ERC1: variants seen among roughly 807,000 people sequenced by gnomAD.
The protein encoded by ERC1 is RAB6 interacting protein 2.
Under a neutral mutation model 132.0 loss-of-function variants are expected in ERC1, and 56 were observed. The ratio of observed to expected loss-of-function variants is 0.42; its 90% CI spans 0.34 to 0.53. The LOEUF (loss-of-function observed/expected upper bound fraction) is 0.53. Ranked by LOEUF, ERC1 falls within the 20% of genes least tolerant of loss-of-function variation. ERC1 has a pLI of 0.03. For missense variants in ERC1, 1,202 were observed against 1,349.9 expected, an observed-to-expected ratio of 0.89 and a Z score of 1.72; for synonymous variants, 478 against 476.1, an observed-to-expected ratio of 1.00 and a Z score of -0.05.
At chr12:1,242,417 T>C (rs2075868736) in intron 13 of ERC1, among the ~76,000 whole-genome samples, 1 of 152,148 alleles carries the variant, frequency 6.6e-6, no homozygotes, top group African/African-American at 2.4e-5. Context: ...TTAAGGAATA[T>C]AAAATATTTT....
chr12:1,114,223 A>G (rs989314746), intron 6 of ERC1, among the ~76,000 whole-genome samples: 7 of 152,036 alleles, frequency 4.6e-5, no homozygotes, highest in East Asian at 1.9e-4. Context: ...GGGTTTCACT[A>G]TGTTGGCCAG....
At chr12:1,377,281 C>G (rs12307141) in intron 16 of ERC1, among the ~76,000 whole-genome samples, 44,399 of 152,174 alleles carry the variant, frequency 0.29, 6,712 homozygotes, top group Middle Eastern at 0.35. Flanking sequence ...GATACCTTTG[C>G]TCTTGTTGTT....
intron 3 of ERC1, among the ~76,000 whole-genome samples, chr12:1,091,342 A>C (rs558982137): frequency 1.2e-4 from 19 of 152,334 alleles, no homozygotes; most frequent in African/African-American, 3.8e-4. Flanking sequence ...AGTGTCCTTT[A>C]GTAGGTACCC....
chr12:1,159,161 T>C (rs961465148), intron 8 of ERC1, among the ~76,000 whole-genome samples: 1 of 152,192 alleles, frequency 6.6e-6, no homozygotes, highest in African/African-American at 2.4e-5. Context: ...TGGACAGTTT[T>C]GACCCTATTT....
chr12:1,159,059 A>G (rs1393021225), intron 8 of ERC1, among the ~76,000 whole-genome samples: 7 of 152,198 alleles, frequency 4.6e-5, no homozygotes, highest in African/African-American at 2.4e-5. Context: ...TACATGTTCA[A>G]TAAGAGGAAG....
At chr12:1,289,037 T>TC (rs1319157737) in intron 14 of ERC1, among the ~76,000 whole-genome samples, 4 of 149,218 alleles carry the variant, frequency 2.7e-5, no homozygotes, top group South Asian at 2.1e-4. Context: ...TTTTTTTTTT[T>TC]CCCCATGTCA....
intron 15 of ERC1, among the ~76,000 whole-genome samples, chr12:1,340,550 C>T (rs1430046888): frequency 1.3e-5 from 2 of 152,152 alleles, no homozygotes; most frequent in African/African-American, 4.8e-5. Flanking sequence ...GAGTACAACT[C>T]GCTCATTCCC....
At chr12:1,297,507 G>A (rs1449065216) in intron 15 of ERC1, among the ~76,000 whole-genome samples, 2 of 136,172 alleles carry the variant, frequency 1.5e-5, no homozygotes, top group East Asian at 2.1e-4. Flanking sequence ...TCTGAGACCA[G>A]CCTAGACAAC....
chr12:1,140,977 G>C (rs745729210), intron 7 of ERC1, among the ~76,000 whole-genome samples: 4 of 152,146 alleles, frequency 2.6e-5, no homozygotes, highest in African/African-American at 4.8e-5. Flanking sequence ...GAATCTATGT[G>C]TGGGGTGCTA....
chr12:1,304,214 G>A (rs1359740316), intron 15 of ERC1, among the ~76,000 whole-genome samples: 1 of 152,156 alleles, frequency 6.6e-6, no homozygotes, highest in Non-Finnish European at 1.5e-5. Context: ...CTACAGTCAA[G>A]ATTTTAAAAC....
At chr12:1,229,666 T>C (rs934123059) in intron 12 of ERC1, among the ~76,000 whole-genome samples, 7 of 152,290 alleles carry the variant, frequency 4.6e-5, no homozygotes, top group African/African-American at 1.7e-4. Context: ...GTCTTCTCTT[T>C]CATGTCTGAT....
At chr12:1,436,662 A>G (rs1036780656) in intron 17 of ERC1, among the ~76,000 whole-genome samples, 44 of 152,078 alleles carry the variant, frequency 2.9e-4, no homozygotes, top group Non-Finnish European at 1.0e-4. Context: ...TGCAGCAGTT[A>G]CAGCACGTGA....
intron 2 of ERC1, among the ~76,000 whole-genome samples, chr12:1,047,976 G>A (rs1971343169): frequency 6.6e-6 from 1 of 152,162 alleles, no homozygotes; most frequent in African/African-American, 2.4e-5. Context: ...TTTTTGACTT[G>A]TAGTTCGCTT....
intron 2 of ERC1, among the ~76,000 whole-genome samples, chr12:1,039,729 G>C (rs1202025932): frequency 1.3e-5 from 2 of 152,198 alleles, no homozygotes; most frequent in Non-Finnish European, 2.9e-5. Context: ...AGAATTTGGA[G>C]ATAAGAGACT....
At chr12:1,349,831 T>G (rs2084842974) in intron 15 of ERC1, among the ~76,000 whole-genome samples, 1 of 152,230 alleles carries the variant, frequency 6.6e-6, no homozygotes, top group Non-Finnish European at 1.5e-5. Flanking sequence ...TACAACTGGT[T>G]AGACTTCCAG....
intron 18 of ERC1, among the ~76,000 whole-genome samples, chr12:1,447,471 G>A (rs998980682): frequency 2.0e-5 from 3 of 151,364 alleles, no homozygotes; most frequent in Middle Eastern, 3.4e-3. Flanking sequence ...AGCTGAGATC[G>A]TGCCACTGTA....
Position 1,395,862 on chromosome 12 carries a change from G to A in ERC1, c.2926-12287G>A, listed in dbSNP as rs986553494. Among the ~76,000 whole-genome samples the A allele has an allele frequency of 1.3e-4, 20 of 152,126 alleles. No homozygotes were observed. In the East Asian group the frequency reaches 3.7e-3, roughly 28 times the overall value. The stretch of plus-strand genomic sequence containing the variant: ...AATATGTTGAAAGAACAGATGTCTT[G>A]TGAGCTTAATTCCATAAATGGTGAT... On this transcript the variant is annotated intron_variant, in intron 16 of 18. Coordinates refer to ENST00000360905, the MANE Select transcript of ERC1 (RefSeq NM_178040.4).
chr12:1,138,089 T>C (rs1175641081), intron 7 of ERC1, among the ~76,000 whole-genome samples: 6 of 95,918 alleles, frequency 6.3e-5, no homozygotes, highest in South Asian at 4.9e-4. Flanking sequence ...ATATATAATA[T>C]ATAATCCATA....
intron 8 of ERC1, among the ~76,000 whole-genome samples, chr12:1,144,635 C>CGTATATATATATATATATATATATATGT (rs1566075478): frequency 7.3e-6 from 1 of 136,440 alleles, no homozygotes; most frequent in African/African-American, 3.2e-5. Flanking sequence ...TATATATATA[C>CGTATATATATATATATATATATATATGT]GTGTATATAT....
Sources: allele counts gnomAD v4.1 joint callset (sites outside exome capture counted in the v4.1 genomes callset), GRCh38; gene constraint gnomAD v4.1.1; transcripts MANE v1.5; gene names NCBI Gene and HGNC (gene_info 2026-07-23, HGNC 2026-07-21).